PDE5A: variants seen among roughly 807,000 people sequenced by gnomAD.
The protein encoded by PDE5A is phosphodiesterase 5A, also known as cGMP-specific 3',5'-cyclic phosphodiesterase.
PDE5A carries 67 observed loss-of-function variants against 110.2 expected under a neutral mutation model. The observed-to-expected ratio is 0.61, with a 90% CI of 0.50 to 0.75. The LOEUF (loss-of-function observed/expected upper bound fraction) is 0.75, where lower values mean the gene tolerates loss of function less well. Ranked by LOEUF, PDE5A falls within the 30% of genes least tolerant of loss-of-function variation. The pLI is 0.00. For synonymous variants in PDE5A, 328 were observed against 351.2 expected, an observed-to-expected ratio of 0.93 and a Z score of 0.74; for missense variants, 862 against 1,045.1, an observed-to-expected ratio of 0.82 and a Z score of 2.42.
chr4:119,512,043 A>G (rs1358490405), intron 14 of PDE5A, among the ~76,000 whole-genome samples: 1 of 152,122 alleles, frequency 6.6e-6, no homozygotes. Context: ...TCCATATACA[A>G]GTGTTGGATA....
chr4:119,570,824 A>G (rs548291048), intron 3 of PDE5A, among the ~76,000 whole-genome samples: 1 of 152,326 alleles, frequency 6.6e-6, no homozygotes, highest in African/African-American at 2.4e-5. Context: ...TCTCCACTGC[A>G]ATGACAGGAC....
Position 119,591,357 on chromosome 4 carries a change from T to A in PDE5A, c.831+5166A>T, listed in dbSNP as rs944543883. On this transcript the variant is annotated intron_variant, in intron 3 of 20. Transcript: ENST00000354960. ...CTTCCCAATAACCCTTTAAGGTAGA[T>A]CCTTTTATTGCCCTCATTTTGCAGA... Among the ~76,000 whole-genome samples, 5 of 152,328 alleles carry A rather than the reference T, an allele frequency of 3.3e-5. No homozygotes were observed. The East Asian group carries it at 7.7e-4, about 24-fold the overall frequency.
chr4:119,502,355 A>G (rs570366880), intron 19 of PDE5A: 28 of 339,010 alleles, frequency 8.3e-5, no homozygotes, highest in Admixed American at 2.6e-4. Flanking sequence ...AACAAATTAC[A>G]AAGAACACTG....
intron 7 of PDE5A, among the ~76,000 whole-genome samples, chr4:119,559,529 A>G (rs1200210894): frequency 6.6e-6 from 1 of 152,206 alleles, no homozygotes; most frequent in Non-Finnish European, 1.5e-5. Context: ...GCAAGCCAAA[A>G]AGTAAAATAT....
At chr4:119,538,642 T>C (rs1457260659) in intron 11 of PDE5A, 1 of 271,552 alleles carries the variant, frequency 3.7e-6, no homozygotes, top group Non-Finnish European at 7.2e-6. Flanking sequence ...AATTGTTTTG[T>C]TATTACCCTA....
intron 2 of PDE5A, among the ~76,000 whole-genome samples, chr4:119,600,254 G>GA (rs1438443688): frequency 6.6e-6 from 1 of 151,422 alleles, no homozygotes; most frequent in African/African-American, 2.4e-5. Flanking sequence ...CCCAATAGAG[G>GA]AAAAAAAGAA....
At chr4:119,549,736 A>G (rs2110493670) in intron 9 of PDE5A, 1 of 152,350 alleles carries the variant, frequency 6.6e-6, no homozygotes, top group Middle Eastern at 3.4e-3. Flanking sequence ...TGAACGTTCA[A>G]TGAGAAATAT....
At chr4:119,557,887 A>T in intron 7 of PDE5A, among the ~76,000 whole-genome samples, 1 of 152,280 alleles carries the variant, frequency 6.6e-6, no homozygotes, top group South Asian at 2.1e-4. Flanking sequence ...TTACACTTAT[A>T]TTTTCTAATA....
chr4:119,566,016 T>C (rs955778282), intron 4 of PDE5A, among the ~76,000 whole-genome samples: 3 of 150,680 alleles, frequency 2.0e-5, no homozygotes, highest in Non-Finnish European at 4.4e-5. Flanking sequence ...AAATAAATAT[T>C]TAGACAGCAT....
At chr4:119,592,782 CT>C (rs1241591182) in intron 3 of PDE5A, among the ~76,000 whole-genome samples, 2 of 152,052 alleles carry the variant, frequency 1.3e-5, no homozygotes, top group African/African-American at 2.4e-5. Context: ...ATTTTTTCAT[CT>C]CATGAAATGC....
Position 119,562,842 on chromosome 4 carries a change from T to G in PDE5A, c.1122A>C (p.Glu374Asp), listed in dbSNP as rs1469117827. Residue 374 changes from glutamate to aspartate, a missense_variant, in exon 6 of 21, where the codon GAA becomes GAC. Physicochemically the swap from Glu to Asp is conservative, Grantham distance 45. Coordinates refer to ENST00000354960, the MANE Select transcript of PDE5A (RefSeq NM_001083.4). ...CATACTCTGTACTCACGGAGCAATC[T>G]TCATCCACTATGAAAATGGTGCATT... is the stretch of plus-strand genomic sequence containing the variant. ...VQKCTIFIVD[E>D]DCSDSFSSVF... 1.3e-6 allele frequency: 2 copies of G among 1,574,032 alleles called. No homozygotes were observed. The highest frequency in any genetic ancestry group is 1.2e-5 in the South Asian group (1 of 83,694).
intron 7 of PDE5A, among the ~76,000 whole-genome samples, chr4:119,558,831 G>A (rs1038482232): frequency 2.0e-5 from 3 of 149,734 alleles, no homozygotes; most frequent in Non-Finnish European, 4.5e-5. Context: ...GCGGGAGAAT[G>A]GCGTGAACCC....
At chr4:119,499,946 C>CAAAT (rs1725236205) in intron 20 of PDE5A, 1 of 149,958 alleles carries the variant, frequency 6.7e-6, no homozygotes, top group Non-Finnish European at 1.5e-5. Context: ...ACAGCAGATT[C>CAAAT]AAATAAAATG....
chr4:119,626,460 A>G (rs1730349735), intron 1 of PDE5A, among the ~76,000 whole-genome samples: 1 of 152,232 alleles, frequency 6.6e-6, no homozygotes, highest in African/African-American at 2.4e-5. Flanking sequence ...TTATTAAACA[A>G]TAACTTTTTT....
At chr4:119,526,067 A>G (rs756719519) in intron 11 of PDE5A, among the ~76,000 whole-genome samples, 1 of 152,152 alleles carries the variant, frequency 6.6e-6, no homozygotes, top group South Asian at 2.1e-4. Flanking sequence ...GAACCATCCC[A>G]GTGCTCTGGG....
chr4:119,550,784 A>G (rs1727323796), intron 9 of PDE5A, among the ~76,000 whole-genome samples: 1 of 152,226 alleles, frequency 6.6e-6, no homozygotes, highest in Non-Finnish European at 1.5e-5. Flanking sequence ...GTAAATCTTT[A>G]TACTTATAAA....
intron 14 of PDE5A, chr4:119,512,915 G>C (rs984785978): frequency 2.0e-5 from 3 of 152,094 alleles, no homozygotes; most frequent in African/African-American, 7.2e-5. Context: ...CCTGGCATGC[G>C]AGTAGGTGAG....
chr4:119,612,051 T>C (rs1422006584), intron 1 of PDE5A, among the ~76,000 whole-genome samples: 1 of 152,184 alleles, frequency 6.6e-6, no homozygotes, highest in African/African-American at 2.4e-5. Flanking sequence ...CAAATTGAAA[T>C]TAAAATTCTT....
chr4:119,608,124 G>C (rs896624432), intron 1 of PDE5A, among the ~76,000 whole-genome samples: 2 of 152,128 alleles, frequency 1.3e-5, no homozygotes, highest in Non-Finnish European at 2.9e-5. Flanking sequence ...ATTTAATCTT[G>C]TATAGAAAAA....
Sources: gnomAD v4.1 joint callset for allele counts (sites outside exome capture counted in the v4.1 genomes callset) on GRCh38, gnomAD v4.1.1 for gene constraint, MANE v1.5 for transcripts, NCBI Gene and HGNC (gene_info 2026-07-23, HGNC 2026-07-21) for gene names.